Variants in SEMA6D observed in about 807,000 individuals in gnomAD.
The protein encoded by SEMA6D is semaphorin-6D.
In SEMA6D, 35 loss-of-function variants were observed where a neutral mutation model predicts 106.6. That is an observed-to-expected ratio of 0.33 (90% CI 0.25 to 0.44). SEMA6D has a LOEUF of 0.44. SEMA6D is among the 20% of genes least tolerant of loss of function. SEMA6D has a pLI of 1.00. For synonymous variants in SEMA6D, 499 were observed against 487.7 expected, an observed-to-expected ratio of 1.02 and a Z score of -0.31; for missense variants, 1,185 against 1,345.9, an observed-to-expected ratio of 0.88 and a Z score of 1.87.
chr15:47,578,412 G>A (rs1171367316), intron 3 of SEMA6D, among the ~76,000 whole-genome samples: 1 of 152,090 alleles, frequency 6.6e-6, no homozygotes, highest in African/African-American at 2.4e-5. Flanking sequence ...TTGTTTATGT[G>A]CGTTCACATG....
chr15:47,386,692 G>A (rs1006434907), intron 1 of SEMA6D, among the ~76,000 whole-genome samples: 1 of 152,148 alleles, frequency 6.6e-6, no homozygotes, highest in Non-Finnish European at 1.5e-5. Flanking sequence ...TGACCTCTGG[G>A]AACACCTGGT....
At chr15:47,467,652 C>T (rs2042705016) in intron 2 of SEMA6D, among the ~76,000 whole-genome samples, 1 of 152,134 alleles carries the variant, frequency 6.6e-6, no homozygotes, top group African/African-American at 2.4e-5. Flanking sequence ...GGAAGTGGAG[C>T]TGTTTCTCTC....
At chr15:47,740,328 G>A (rs1234985756) in intron 1 of SEMA6D, among the ~76,000 whole-genome samples, 1 of 152,096 alleles carries the variant, frequency 6.6e-6, no homozygotes, top group Non-Finnish European at 1.5e-5. Flanking sequence ...AGACCATCCT[G>A]ACCAACATAG....
chr15:47,433,109 TC>T (rs1446913135), intron 2 of SEMA6D, among the ~76,000 whole-genome samples: 1 of 152,072 alleles, frequency 6.6e-6, no homozygotes, highest in African/African-American at 2.4e-5. Context: ...TTATAAGCTG[TC>T]TATAGACTAT....
intron 3 of SEMA6D, among the ~76,000 whole-genome samples, chr15:47,535,475 A>C (rs1369629016): frequency 6.6e-6 from 1 of 152,124 alleles, no homozygotes; most frequent in African/African-American, 2.4e-5. Flanking sequence ...CTTGACCCTA[A>C]AATGGGGCAG....
At chr15:47,733,220 C>A (rs1053166132) in intron 1 of SEMA6D, among the ~76,000 whole-genome samples, 1 of 152,112 alleles carries the variant, frequency 6.6e-6, no homozygotes, top group African/African-American at 2.4e-5. Flanking sequence ...TAATGAAATA[C>A]ACTGCAAACT....
chr15:47,239,769 G>A (rs1204338969), intron 1 of SEMA6D, among the ~76,000 whole-genome samples: 1 of 152,126 alleles, frequency 6.6e-6, no homozygotes, highest in Non-Finnish European at 1.5e-5. Flanking sequence ...GCCTTACAGG[G>A]TTGCTGTGAT....
At chr15:47,425,237 A>G (rs1361692658) in intron 2 of SEMA6D, among the ~76,000 whole-genome samples, 1 of 151,900 alleles carries the variant, frequency 6.6e-6, no homozygotes, top group Non-Finnish European at 1.5e-5. Context: ...TTTCAAGACA[A>G]TTACATTATT....
chr15:47,711,177 G>T (rs12442324), intron 4 of SEMA6D, among the ~76,000 whole-genome samples: 28,900 of 150,720 alleles, frequency 0.19, 2,980 homozygotes, highest in Non-Finnish European at 0.23. Context: ...GGGCGTAGTG[G>T]CGGGCGCCTG....
At chr15:47,400,794 T>C (rs2040374247) in intron 1 of SEMA6D, among the ~76,000 whole-genome samples, 1 of 152,226 alleles carries the variant, frequency 6.6e-6, no homozygotes, top group Admixed American at 6.5e-5. Flanking sequence ...CTGGCTTTCA[T>C]GGCAGGAGAA....
At chr15:47,222,853 G>C (rs2031324568) in intron 1 of SEMA6D, among the ~76,000 whole-genome samples, 1 of 152,150 alleles carries the variant, frequency 6.6e-6, no homozygotes, top group Admixed American at 6.5e-5. Flanking sequence ...CTCAGGTCCT[G>C]ATACCAGGAG....
intron 2 of SEMA6D, among the ~76,000 whole-genome samples, chr15:47,432,584 G>GCATATGTATATACCTATACAC (rs1302334980): frequency 1.3e-5 from 2 of 150,038 alleles, no homozygotes; most frequent in South Asian, 2.1e-4. Context: ...TACATATACA[G>GCATATGTATATACCTATACAC]CTATATGCAT....
chr15:47,414,203 A>G (rs539207594), intron 2 of SEMA6D, among the ~76,000 whole-genome samples: 2 of 152,302 alleles, frequency 1.3e-5, no homozygotes, highest in African/African-American at 4.8e-5. Flanking sequence ...TTTTATCTGA[A>G]TATTACATTC....
intron 2 of SEMA6D, among the ~76,000 whole-genome samples, chr15:47,456,834 G>A (rs1358210444): frequency 6.6e-6 from 1 of 151,914 alleles, no homozygotes; most frequent in Non-Finnish European, 1.5e-5. Context: ...ATTCAGGGAG[G>A]CCACAGCCCC....
intron 1 of SEMA6D, among the ~76,000 whole-genome samples, chr15:47,210,577 C>T (rs2029886717): frequency 6.6e-6 from 1 of 151,670 alleles, no homozygotes; most frequent in Non-Finnish European, 1.5e-5. Context: ...CCATCCTGGC[C>T]AACATAGTGA....
chr15:47,529,820 T>C (rs564423873), intron 3 of SEMA6D, among the ~76,000 whole-genome samples: 3 of 152,316 alleles, frequency 2.0e-5, no homozygotes, highest in African/African-American at 7.2e-5. Flanking sequence ...ATTTTTCTTA[T>C]TTTGTAAGTA....
intron 1 of SEMA6D, among the ~76,000 whole-genome samples, chr15:47,210,431 A>G (rs1318998935): frequency 6.6e-6 from 1 of 152,098 alleles, no homozygotes; most frequent in Non-Finnish European, 1.5e-5. Context: ...TGATCAAGTT[A>G]CGTGCCCAAA....
chr15:47,511,043 A>G (rs1260332773), intron 3 of SEMA6D, among the ~76,000 whole-genome samples: 1 of 152,232 alleles, frequency 6.6e-6, no homozygotes, highest in Non-Finnish European at 1.5e-5. Context: ...CACCTTCTGA[A>G]TGAATGCCAA....
intron 1 of SEMA6D, among the ~76,000 whole-genome samples, chr15:47,190,264 T>G (rs575980818): frequency 2.0e-5 from 3 of 152,296 alleles, no homozygotes; most frequent in South Asian, 2.1e-4. Context: ...GGCTGTTGAG[T>G]TTGAACTCCA....
Sources: gnomAD v4.1 joint callset for allele counts (sites outside exome capture counted in the v4.1 genomes callset) on GRCh38, gnomAD v4.1.1 for gene constraint, MANE v1.5 for transcripts, NCBI Gene and HGNC (gene_info 2026-07-23, HGNC 2026-07-21) for gene names.